The following GLI2 variants were observed in gnomAD, a reference collection of about 807,000 sequenced individuals.
GLI2 encodes transcription activator GLI2.
A neutral mutation model predicts 78.9 loss-of-function variants in GLI2; 22 were observed. The ratio of observed to expected loss-of-function variants is 0.28; its 90% CI spans 0.20 to 0.40. The LOEUF (loss-of-function observed/expected upper bound fraction) is 0.40, where lower values mean the gene tolerates loss of function less well. GLI2 is among the 10% of genes least tolerant of loss of function. The pLI is 1.00. For synonymous variants in GLI2, 974 were observed against 963.7 expected (o/e 1.01, Z -0.20); for missense variants, 2,097 against 2,213.2 (o/e 0.95, Z 1.05).
intron 3 of GLI2, among the ~76,000 whole-genome samples, chr2:120,949,027 T>C (rs1017702045): frequency 6.6e-6 from 1 of 152,136 alleles, no homozygotes; most frequent in Admixed American, 6.5e-5. Context: ...CCAGGAGCCA[T>C]AGAGGCGTGA....
intron 3 of GLI2, among the ~76,000 whole-genome samples, chr2:120,945,957 T>TCACACACACA (rs3223143): frequency 0.048 from 6,498 of 134,164 alleles, 209 homozygotes; most frequent in African/African-American, 0.072. Flanking sequence ...CATAACCTTC[T>TCACACACACA]CACACACACA....
At chr2:120,813,988 A>G (rs1161423913) in intron 2 of GLI2, among the ~76,000 whole-genome samples, 5 of 151,928 alleles carry the variant, frequency 3.3e-5, no homozygotes, top group Non-Finnish European at 7.4e-5. Context: ...GCACCCATAA[A>G]GGGAGGCTAA....
intron 1 of GLI2, among the ~76,000 whole-genome samples, chr2:120,766,053 C>A (rs1008212349): frequency 3.9e-5 from 6 of 152,202 alleles, no homozygotes; most frequent in African/African-American, 7.2e-5. Context: ...TCTTGCCCAG[C>A]TCCCCTCTCG....
At chr2:120,795,488 A>G (rs986273391) in intron 1 of GLI2, among the ~76,000 whole-genome samples, 3 of 151,708 alleles carry the variant, frequency 2.0e-5, no homozygotes, top group East Asian at 1.9e-4. Flanking sequence ...ACACCACTGC[A>G]CTCCAGCCTG....
chr2:120,912,242 G>A (rs1678858761), intron 2 of GLI2, among the ~76,000 whole-genome samples: 1 of 149,850 alleles, frequency 6.7e-6, no homozygotes. Context: ...TAATTCACAT[G>A]CTTAGCTCAT....
At position 120,737,880 on chromosome 2, in the gene GLI2, C is replaced by T. The variant is rs536927766; in HGVS notation, c.-31+1595C>T. ...AAACTGTGAAATCCAAAATATACAG[C>T]GGGGAAAGCGGAGGAATAGGCGGGT... On this transcript the variant is annotated intron_variant, in intron 1 of 13. Transcript: ENST00000361492. The surrounding 1 kb of genome is among the most constrained non-coding windows in gnomAD (Gnocchi z 4.3). Among the ~76,000 whole-genome samples the T allele has an allele frequency of 6.6e-6, 1 of 152,330 alleles. No homozygotes were observed. Among genetic ancestry groups the T allele is most frequent in the Non-Finnish European group, 1.5e-5 (1 of 68,032 alleles).
At chr2:120,970,332 T>C in intron 6 of GLI2, 61 bp from the exon 7 acceptor site, 1 of 884,640 alleles carries the variant, frequency 1.1e-6, no homozygotes, top group South Asian at 1.3e-5. Flanking sequence ...GTCCAGGAAG[T>C]GTCAGCCTAA....
intron 1 of GLI2, among the ~76,000 whole-genome samples, chr2:120,783,549 G>C (rs904547914): frequency 1.3e-5 from 2 of 152,088 alleles, no homozygotes; most frequent in African/African-American, 2.4e-5. Flanking sequence ...ATCGAAAGGA[G>C]AGGGGGAAGA....
chr2:120,851,972 A>G (rs1229767361), intron 2 of GLI2, among the ~76,000 whole-genome samples: 4 of 152,196 alleles, frequency 2.6e-5, no homozygotes, highest in Admixed American at 6.5e-5. Flanking sequence ...AAGCAGTGCC[A>G]TCTGGTAGGA....
At chr2:120,869,909 C>T (rs985159180) in intron 2 of GLI2, among the ~76,000 whole-genome samples, 10 of 152,048 alleles carry the variant, frequency 6.6e-5, no homozygotes, top group African/African-American at 1.7e-4. Flanking sequence ...GGGGGACTGT[C>T]CAGAGGGCTC....
intron 1 of GLI2, among the ~76,000 whole-genome samples, chr2:120,746,513 G>A (rs1455221522): frequency 6.6e-6 from 1 of 152,200 alleles, no homozygotes; most frequent in Non-Finnish European, 1.5e-5. Flanking sequence ...GTGGCCCAGA[G>A]CCATGCCTAT....
intron 2 of GLI2, among the ~76,000 whole-genome samples, chr2:120,868,356 T>C (rs1688256430): frequency 6.6e-6 from 1 of 152,274 alleles, no homozygotes; most frequent in African/African-American, 2.4e-5. Context: ...AGGAATGTTC[T>C]GGAGGCTTGG....
At chr2:120,920,624 C>A (rs184714461) in intron 2 of GLI2, among the ~76,000 whole-genome samples, 1 of 152,146 alleles carries the variant, frequency 6.6e-6, no homozygotes, top group South Asian at 2.1e-4. Flanking sequence ...TAGAAAAGTT[C>A]CAGGATTTTA....
chr2:120,988,993 C>A lies in GLI2; in HGVS notation c.3028C>A (p.Arg1010=). 5 of 1,586,620 alleles carry A rather than the reference C, an allele frequency of 3.2e-6. No individual in the cohort carries two copies. The highest frequency in any genetic ancestry group is 4.5e-5 in the East Asian group (2 of 44,160). Residue 1010 remains arginine (R), a synonymous_variant, in exon 14 of 14, where the codon CGG becomes AGG. Coordinates refer to ENST00000361492, the MANE Select transcript of GLI2 (RefSeq NM_001374353.1). Reference sequence around the variant, plus strand: ...CCTGGCCCGCGGCGCCTACTCGCCCCGGCCGCCTAGCATCAGCGAGAACGT... The same window carrying A: ...CCTGGCCCGCGGCGCCTACTCGCCCAGGCCGCCTAGCATCAGCGAGAACGT... ...GGLARGAYSP[R]PPSISENVAM... is the part of the protein sequence containing the mutation.
At chr2:120,752,726 T>TAA (rs1682917389) in intron 1 of GLI2, among the ~76,000 whole-genome samples, 1 of 152,248 alleles carries the variant, frequency 6.6e-6, no homozygotes, top group African/African-American at 2.4e-5. Flanking sequence ...TAGTTTTTTG[T>TAA]GTATCCTTCC....
intron 2 of GLI2, among the ~76,000 whole-genome samples, chr2:120,855,314 G>C (rs1323830999): frequency 6.6e-6 from 1 of 152,212 alleles, no homozygotes; most frequent in Non-Finnish European, 1.5e-5. Flanking sequence ...CTCGTGCTTG[G>C]AGCTGTCTTC....
In GLI2 at chr2:120,988,929, A is replaced by C; in HGVS notation, c.2964A>C (p.Arg988=). ...CGCTGCCGCCCTGTGCCGACAGGCG[A>C]GGCCTCCGCCTGCAGAGCCACCCGA... The part of the protein sequence containing the change: ...PGPLPPCADR[R]GLRLQSHPST... Residue 988 remains arginine (R), a synonymous_variant, in exon 14 of 14, where the codon CGA becomes CGC. Coordinates refer to ENST00000361492, the MANE Select transcript of GLI2 (RefSeq NM_001374353.1). The C allele has an allele frequency of 6.6e-7, 1 of 1,525,906 alleles. No individual in the cohort carries two copies. The highest frequency in any genetic ancestry group is 8.8e-7 in the Non-Finnish European group (1 of 1,140,652). The allele number at this position is 1,525,906 out of a possible 1,614,324, so 94.5% of individuals were successfully genotyped here. A position where few individuals can be genotyped will look rare whatever the true frequency, so the allele number is the denominator to read the frequency against.
intron 2 of GLI2, among the ~76,000 whole-genome samples, chr2:120,815,808 C>T (rs1685468725): frequency 6.6e-6 from 1 of 152,334 alleles, no homozygotes; most frequent in African/African-American, 2.4e-5. Context: ...GCCACGGTCT[C>T]TGCCTCTGGT....
At chr2:120,889,749 T>C (rs904611735) in intron 2 of GLI2, among the ~76,000 whole-genome samples, 3 of 152,140 alleles carry the variant, frequency 2.0e-5, no homozygotes, top group African/African-American at 7.2e-5. Context: ...CACTAGCCAT[T>C]AGGAAAATGC....
Sources: gnomAD v4.1 joint callset for allele counts (sites outside exome capture counted in the v4.1 genomes callset) on GRCh38, gnomAD v4.1.1 for gene constraint, Gnocchi (gnomAD v3.1) non-coding constraint, MANE v1.5 for transcripts, NCBI Gene and HGNC (gene_info 2026-07-23, HGNC 2026-07-21) for gene names.